ACTR3C: variants seen among roughly 807,000 people sequenced by gnomAD.
The protein encoded by ACTR3C is actin related protein 3C.
A neutral mutation model predicts 26.3 loss-of-function variants in ACTR3C; 18 were observed. That is an observed-to-expected ratio of 0.68 (90% CI 0.47 to 1.01). The LOEUF is 1.01. ACTR3C is among the 50% of genes least tolerant of loss of function. The pLI is 0.00. For synonymous variants in ACTR3C, 55 were observed against 94.5 expected (o/e 0.58, Z 2.42); for missense variants, 184 against 250.7 (o/e 0.73, Z 1.80).
chr7:150,142,700 T>C, the ACTR3C span, among the ~76,000 whole-genome samples: 3 of 151,756 alleles, frequency 2.0e-5, no homozygotes, highest in East Asian at 5.8e-4. Context: ...AGCTAAGTTT[T>C]GTATTTTTAG....
rs186344708 is a variant in ACTR3C at position 150,318,673 on chromosome 7, A to G, written c.-52+4796T>C. On this transcript the variant is annotated intron_variant, in intron 1 of 7. Transcript: ENST00000683684. ...GTTACTCGGGAGGCTGAGGCAGAAG[A>G]ATCGCTTGAACCCGAAGAGCCGAGA... Among the ~76,000 whole-genome samples, 33 of 152,288 alleles carry G rather than the reference A, an allele frequency of 2.2e-4. No individual in the cohort carries two copies. In the East Asian group the frequency reaches 6.0e-3, roughly 28 times the overall value.
At chr7:150,191,809 T>C in the ACTR3C span, among the ~76,000 whole-genome samples, 1 of 152,206 alleles carries the variant, frequency 6.6e-6, no homozygotes, top group Non-Finnish European at 1.5e-5. Context: ...GGAGTGGATC[T>C]TTTGGATTAA....
chr7:150,011,732 T>C, the ACTR3C span, among the ~76,000 whole-genome samples: 1 of 152,222 alleles, frequency 6.6e-6, no homozygotes, highest in Admixed American at 6.5e-5. Flanking sequence ...CTGCCTTAAC[T>C]TCTGGGACTC....
the ACTR3C span, chr7:150,040,650 G>T: frequency 1.5e-4 from 22 of 145,986 alleles, no homozygotes; most frequent in African/African-American, 5.9e-4. Context: ...TAAATCCCAC[G>T]CAAGGTACCT....
intron 1 of ACTR3C, among the ~76,000 whole-genome samples, chr7:150,320,623 T>G (rs1361960762): frequency 6.6e-6 from 1 of 152,036 alleles, no homozygotes; most frequent in Non-Finnish European, 1.5e-5. Context: ...ATTAGCCAGG[T>G]AAAGTGGCGC....
At chr7:150,260,831 C>G (rs530191786) in intron 6 of ACTR3C, among the ~76,000 whole-genome samples, 25 of 152,260 alleles carry the variant, frequency 1.6e-4, no homozygotes, top group African/African-American at 6.0e-4. Flanking sequence ...TTAACAGAAC[C>G]CTGACTTTTC....
chr7:149,889,314 C>A, the ACTR3C span, among the ~76,000 whole-genome samples: 14 of 152,260 alleles, frequency 9.2e-5, 1 homozygote, highest in East Asian at 1.4e-3. Context: ...TAAAGTAAAT[C>A]ATAAGAAAAT....
At chr7:150,101,679 G>C in the ACTR3C span, among the ~76,000 whole-genome samples, 1 of 151,760 alleles carries the variant, frequency 6.6e-6, no homozygotes, top group South Asian at 2.1e-4. Flanking sequence ...GCCACGTTAA[G>C]TCACTTGAGA....
the ACTR3C span, among the ~76,000 whole-genome samples, chr7:150,202,833 C>G: frequency 6.6e-6 from 1 of 152,212 alleles, no homozygotes; most frequent in South Asian, 2.1e-4. Context: ...TTAATGGCCA[C>G]ATAGCAAAAG....
At chr7:150,316,026 C>T (rs1338185526) in intron 1 of ACTR3C, among the ~76,000 whole-genome samples, 2 of 152,086 alleles carry the variant, frequency 1.3e-5, no homozygotes, top group Non-Finnish European at 2.9e-5. Flanking sequence ...GGAGAAACCC[C>T]GTCTCTACTA....
At chr7:150,315,654 T>C (rs976474537) in intron 1 of ACTR3C, among the ~76,000 whole-genome samples, 3 of 151,294 alleles carry the variant, frequency 2.0e-5, no homozygotes, top group African/African-American at 4.9e-5. Flanking sequence ...ACACCCTCTT[T>C]GCCCCCTCAA....
chr7:149,975,950 T>C, the ACTR3C span, among the ~76,000 whole-genome samples: 10 of 152,034 alleles, frequency 6.6e-5, no homozygotes, highest in Non-Finnish European at 1.0e-4. Flanking sequence ...AGCCAAACCA[T>C]TTCATTCACC....
chr7:150,286,994 T>C (rs1173935705), intron 4 of ACTR3C, among the ~76,000 whole-genome samples: 2 of 152,194 alleles, frequency 1.3e-5, no homozygotes, highest in Non-Finnish European at 2.9e-5. Context: ...GAGGCTTCTT[T>C]GGGTCCCATT....
chr7:150,309,282 G>A (rs975615816), intron 1 of ACTR3C, among the ~76,000 whole-genome samples: 2 of 152,204 alleles, frequency 1.3e-5, no homozygotes, highest in African/African-American at 4.8e-5. Flanking sequence ...TTCTTGGCCC[G>A]CTTGGTGGCT....
chr7:149,889,570 AG>A, the ACTR3C span, among the ~76,000 whole-genome samples: 3 of 152,236 alleles, frequency 2.0e-5, no homozygotes, highest in South Asian at 6.2e-4. Flanking sequence ...TGTACATTAA[AG>A]TCACAATGAG....
chr7:149,957,601 G>T, the ACTR3C span, among the ~76,000 whole-genome samples: 1 of 152,238 alleles, frequency 6.6e-6, no homozygotes, highest in African/African-American at 2.4e-5. Flanking sequence ...TTAGGACTTT[G>T]GCCTTGGACT....
At chr7:150,283,670 T>C (rs1358753307) in intron 6 of ACTR3C, among the ~76,000 whole-genome samples, 2 of 152,128 alleles carry the variant, frequency 1.3e-5, no homozygotes, top group African/African-American at 4.8e-5. Context: ...AGCTATCTTT[T>C]CATCTGAATT....
the ACTR3C span, among the ~76,000 whole-genome samples, chr7:149,883,619 C>T: frequency 1.3e-5 from 2 of 152,230 alleles, no homozygotes; most frequent in Non-Finnish European, 1.5e-5. Flanking sequence ...AGGATGAAGT[C>T]TCTAGCGAGC....
the ACTR3C span, among the ~76,000 whole-genome samples, chr7:150,171,124 CTTT>C: frequency 7.4e-6 from 1 of 135,612 alleles, no homozygotes; most frequent in Non-Finnish European, 1.5e-5. Context: ...ACCTGACCGA[CTTT>C]TTATCACAGA....
Sources: gnomAD v4.1 joint callset for allele counts (sites outside exome capture counted in the v4.1 genomes callset) on GRCh38, gnomAD v4.1.1 for gene constraint, MANE v1.5 for transcripts, NCBI Gene and HGNC (gene_info 2026-07-23, HGNC 2026-07-21) for gene names.